STAMBPL1: variants seen among roughly 807,000 people sequenced by gnomAD.
STAMBPL1 encodes AMSH-like protease.
Under a neutral mutation model 52.9 loss-of-function variants are expected in STAMBPL1, and 44 were observed. The observed-to-expected ratio is 0.83, with a 90% CI of 0.65 to 1.07. The LOEUF (loss-of-function observed/expected upper bound fraction) is 1.07, where lower values mean the gene tolerates loss of function less well. Ranked by LOEUF, STAMBPL1 falls within the 50% of genes least tolerant of loss-of-function variation. The probability of loss-of-function intolerance (pLI) is 0.00; values close to 1 mark genes in which losing one functional copy is unlikely to be tolerated. For missense variants in STAMBPL1, 511 were observed against 520.8 expected (o/e 0.98, Z 0.18); for synonymous variants, 164 against 177.3 (o/e 0.92, Z 0.60).
intron 3 of STAMBPL1, among the ~76,000 whole-genome samples, chr10:88,906,662 G>A (rs1367623582): frequency 2.0e-5 from 3 of 152,172 alleles, no homozygotes; most frequent in Admixed American, 6.5e-5. Flanking sequence ...GAGTGCAGTG[G>A]CACAATCATA....
intron 5 of STAMBPL1, among the ~76,000 whole-genome samples, chr10:88,911,555 A>G (rs574838299): frequency 3.3e-5 from 5 of 152,234 alleles, no homozygotes; most frequent in Non-Finnish European, 5.9e-5. Context: ...TCTGAGAGGC[A>G]GAAAGGCATT....
intron 7 of STAMBPL1, 131 bp from the exon 8 acceptor site, chr10:88,916,549 G>T: frequency 2.6e-5 from 12 of 460,276 alleles, no homozygotes; most frequent in South Asian, 4.5e-5. Context: ...GAGGGATGAT[G>T]TAAGTGGTCC....
intron 1 of STAMBPL1, among the ~76,000 whole-genome samples, chr10:88,889,071 T>C (rs1007581827): frequency 1.3e-5 from 2 of 152,222 alleles, no homozygotes; most frequent in African/African-American, 4.8e-5. Flanking sequence ...CTGTTTTCAC[T>C]TAATGCTCTA....
chr10:88,908,652 T>TG, intron 3 of STAMBPL1, 50 bp from the exon 4 acceptor site: 1 of 1,463,924 alleles, frequency 6.8e-7, no homozygotes, highest in Non-Finnish European at 9.5e-7. Context: ...GAAAGCATTA[T>TG]TGAACTTTTG....
At chr10:88,900,351 G>A (rs1050400668) in intron 1 of STAMBPL1, among the ~76,000 whole-genome samples, 2 of 152,144 alleles carry the variant, frequency 1.3e-5, no homozygotes, top group Non-Finnish European at 2.9e-5. Flanking sequence ...GGGTATAAAG[G>A]ACAAAATAAA....
At chr10:88,911,059 AT>A in intron 5 of STAMBPL1, 48 bp downstream of exon 5, 1 of 1,229,374 alleles carries the variant, frequency 8.1e-7, no homozygotes, top group African/African-American at 1.6e-5. Flanking sequence ...ATGTACAAGT[AT>A]TTTTTGAATT....
intron 4 of STAMBPL1, 78 bp from the exon 5 acceptor site, chr10:88,910,838 G>A (rs572533424): frequency 1.9e-6 from 2 of 1,031,866 alleles, no homozygotes; most frequent in Admixed American, 5.7e-5. Context: ...CCTACCAGCT[G>A]TTTTTCTTTC....
chr10:88,886,681 A>G (rs1844542933), intron 1 of STAMBPL1, among the ~76,000 whole-genome samples: 1 of 152,170 alleles, frequency 6.6e-6, no homozygotes, highest in African/African-American at 2.4e-5. Flanking sequence ...TAATTTAGAA[A>G]CAGGAGGCCA....
rs1845559244 is a variant in STAMBPL1 at position 88,923,218 on chromosome 10, G to A, written c.1305G>A (p.Leu435=). 1 of 1,605,472 alleles carries A rather than the reference G, an allele frequency of 6.2e-7. No homozygotes were observed. The highest frequency in any genetic ancestry group is 1.7e-5 in the Admixed American group (1 of 57,232). Reference sequence around the variant, plus strand: ...ACATAAAAATAATTGTGTTGGATCTGAGGTGATATGTTCTGAATGTAAGCA... The same window carrying A: ...ACATAAAAATAATTGTGTTGGATCTAAGGTGATATGTTCTGAATGTAAGCA... ...VKDIKIIVLD[L]R is the part of the protein sequence containing the mutation. The change falls in exon 11 of 11, where the codon CTG becomes CTA. Residue 435 remains leucine (L), a synonymous_variant. Coordinates refer to ENST00000371926, the MANE Select transcript of STAMBPL1 (RefSeq NM_020799.4).
At chr10:88,889,770 C>T (rs1844630022) in intron 1 of STAMBPL1, among the ~76,000 whole-genome samples, 1 of 152,180 alleles carries the variant, frequency 6.6e-6, no homozygotes, top group Non-Finnish European at 1.5e-5. Context: ...AACACTGACA[C>T]AATACTATTG....
intron 10 of STAMBPL1, 75 bp from the exon 11 acceptor site, chr10:88,923,093 C>T (rs1209137023): frequency 9.8e-7 from 1 of 1,016,036 alleles, no homozygotes; most frequent in African/African-American, 1.7e-5. Context: ...TCTATACTTC[C>T]TCCCTAAAGA....
intron 10 of STAMBPL1, 141 bp from the exon 11 acceptor site, chr10:88,923,027 G>T (rs899536541): frequency 6.3e-6 from 4 of 634,018 alleles, no homozygotes; most frequent in Non-Finnish European, 1.1e-5. Flanking sequence ...AAATGTGATT[G>T]TATTTGTTCT....
In STAMBPL1 at chr10:88,905,633, C is replaced by G; in HGVS notation, c.221C>G (p.Ala74Gly). 1 of 1,613,746 alleles carries G rather than the reference C, an allele frequency of 6.2e-7. No homozygotes were observed. Among genetic ancestry groups the G allele is most frequent in the Non-Finnish European group, 8.5e-7 (1 of 1,179,830 alleles). ...VYLEEGNLEN[A>G]FVLYNKFITL... ...TTGGAAGAAGGAAATTTGGAAAATG[C>G]CTTTGTTCTTTATAATAAATTTATA... Residue 74 changes from alanine to glycine, a missense_variant, in exon 3 of 11, where the codon GCC (alanine) becomes GGC (glycine). Around this residue, in one of 3 missense-constraint regions of STAMBPL1, gnomAD observed 358 missense variants for 343.5 expected, o/e 1.04. Coordinates refer to ENST00000371926, the MANE Select transcript of STAMBPL1 (RefSeq NM_020799.4).
At position 88,894,363 on chromosome 10, in the gene STAMBPL1, A is replaced by G. The variant is rs564589073; in HGVS notation, c.-53-7293A>G. Among the ~76,000 whole-genome samples, 13 of 145,072 alleles carry G rather than the reference A, an allele frequency of 9.0e-5. No homozygotes were observed. The South Asian group carries it at 2.9e-3, about 32-fold the overall frequency. Reference sequence around the variant, plus strand: ...TTCTGCTAATGGTACCTATTGTTTTATACAGGTTTTTTTTTTGGCTATCTT... The same window carrying G: ...TTCTGCTAATGGTACCTATTGTTTTGTACAGGTTTTTTTTTTGGCTATCTT... On this transcript the variant is annotated intron_variant, in intron 1 of 10. Transcript: ENST00000371926.
At chr10:88,908,903 T>A in intron 4 of STAMBPL1, 126 bp downstream of exon 4, 1 of 736,090 alleles carries the variant, frequency 1.4e-6, no homozygotes, top group Non-Finnish European at 2.1e-6. Context: ...TTCATTCCAT[T>A]AACTATGATG....
chr10:88,883,480 G>C (rs1023342747), intron 1 of STAMBPL1, among the ~76,000 whole-genome samples: 5 of 152,182 alleles, frequency 3.3e-5, no homozygotes, highest in Non-Finnish European at 5.9e-5. Flanking sequence ...ATCCTGAGTT[G>C]ACATCAGAAT....
chr10:88,886,507 G>A (rs1844536892), intron 1 of STAMBPL1, among the ~76,000 whole-genome samples: 2 of 151,992 alleles, frequency 1.3e-5, no homozygotes, highest in Non-Finnish European at 2.9e-5. Context: ...AAGAATTTGA[G>A]ATTTAGTGAA....
intron 3 of STAMBPL1, among the ~76,000 whole-genome samples, chr10:88,906,801 A>G (rs908880160): frequency 2.0e-5 from 3 of 152,072 alleles, no homozygotes; most frequent in East Asian, 1.9e-4. Context: ...GGATCTTACT[A>G]TGTTGCCCAG....
At chr10:88,903,133 C>T (rs186000024) in intron 2 of STAMBPL1, among the ~76,000 whole-genome samples, 13 of 152,108 alleles carry the variant, frequency 8.5e-5, no homozygotes, top group African/African-American at 2.7e-4. Flanking sequence ...AACACAAAGG[C>T]TTTTTATCTG....
Sources: gnomAD v4.1 joint callset for allele counts (sites outside exome capture counted in the v4.1 genomes callset) on GRCh38, gnomAD v4.1.1 for gene constraint, gnomAD v4.1.1 regional missense constraint, MANE v1.5 for transcripts, NCBI Gene and HGNC (gene_info 2026-07-23, HGNC 2026-07-21) for gene names.